MAX: variants seen among roughly 807,000 people sequenced by gnomAD.
The protein encoded by MAX is MYC associated transcriptional regulator X, also known as protein max.
MAX carries 3 observed loss-of-function variants against 22.3 expected under a neutral mutation model. The ratio of observed to expected loss-of-function variants is 0.13; its 90% CI spans 0.06 to 0.35. MAX has a LOEUF of 0.35. MAX is among the 10% of genes least tolerant of loss of function. The pLI is 1.00. For missense variants in MAX, 119 were observed against 209.4 expected (o/e 0.57, Z 2.66); for synonymous variants, 72 against 77.7 (o/e 0.93, Z 0.39).
At chr14:65,097,118 T>C (rs1002677566) in intron 2 of MAX, among the ~76,000 whole-genome samples, 15 of 152,250 alleles carry the variant, frequency 9.9e-5, no homozygotes, top group Non-Finnish European at 2.2e-4. Flanking sequence ...CTCTCAGTTA[T>C]ATTTCTACCC....
In MAX at chr14:65,027,280, A is replaced by G. The variant is rs2139573136; in HGVS notation, c.172-20996T>C. 1.0e-6 allele frequency: 1 copy of G among 972,946 alleles called. No homozygotes were observed. Among genetic ancestry groups the G allele is most frequent in the Non-Finnish European group, 1.5e-6 (1 of 665,228 alleles). 60.3% of individuals were successfully genotyped at this position (972,946 alleles called of 1,614,324 possible). On this transcript the variant is annotated intron_variant, in intron 3 of 3. Transcript: ENST00000341653. This position sits in a 1 kb window ranked among gnomAD's most constrained non-coding sequence, Gnocchi z 5.7. ...GGCAGACAGAAATGATGATAGCTGG[A>G]GAGAGAATTAAGCCCTTTGGGGAGA...
Position 65,102,491 on chromosome 14 carries a change from A to C in MAX, c.-152T>G. ...CGCTCTCTCACTCACACACACACAC[A>C]ACACGGGCAAGAACCACCTCCTCAC... On this transcript the variant is annotated 5_prime_UTR_variant, in exon 1 of 5. Coordinates refer to ENST00000358664, the MANE Select transcript of MAX (RefSeq NM_002382.5). 6.7e-7 allele frequency: 1 copy of C among 1,491,390 alleles called. No homozygotes were observed. The highest frequency in any genetic ancestry group is 8.9e-7 in the Non-Finnish European group (1 of 1,121,102). 92.4% of individuals were successfully genotyped at this position (1,491,390 alleles called of 1,614,324 possible).
rs904090539 is a variant in MAX at position 65,027,922 on chromosome 14, G to A, written c.172-21638C>T. On this transcript the variant is annotated intron_variant, in intron 3 of 3. Coordinates refer to the MAX transcript ENST00000341653. This position sits in a 1 kb window ranked among gnomAD's most constrained non-coding sequence, Gnocchi z 5.7. ...ACATGGGATGACATGTCAGTGACAC[G>A]TCAGAATCATTCAGATGTGATGCAG... 3.8e-6 allele frequency: 4 copies of A among 1,060,680 alleles called. No individual in the cohort carries two copies. The highest frequency in any genetic ancestry group is 2.6e-5 in the East Asian group (1 of 38,816). The allele number at this position is 1,060,680 out of a possible 1,614,324, so 65.7% of individuals were successfully genotyped here. A position where few individuals can be genotyped will look rare whatever the true frequency, so the allele number is the denominator to read the frequency against.
At position 65,084,126 on chromosome 14, in the gene MAX, CTTAA is replaced by C. The variant is rs2063263648; in HGVS notation, c.172-6094_172-6091del. On this transcript the variant is annotated intron_variant, in intron 3 of 4. Transcript: ENST00000358664. This position sits in a 1 kb window ranked among gnomAD's most constrained non-coding sequence, Gnocchi z 4.3. Reference sequence around the variant, plus strand: ...GGCAGAGCTATCAGCCCTCAAGCAGCTTAATTAAAGCCAGGAGTAAGACATTTGT... The same window carrying C: ...GGCAGAGCTATCAGCCCTCAAGCAGCTTAAAGCCAGGAGTAAGACATTTGT... 1 of 1,608,180 alleles carries C rather than the reference CTTAA, an allele frequency of 6.2e-7. No homozygotes were observed. Among genetic ancestry groups the C allele is most frequent in the Non-Finnish European group, 8.5e-7 (1 of 1,176,396 alleles).
intron 2 of MAX, 101 bp downstream of exon 2, chr14:65,101,445 T>C: frequency 9.1e-7 from 1 of 1,098,830 alleles, no homozygotes; most frequent in Non-Finnish European, 1.4e-6. Flanking sequence ...TAGAGTTTAC[T>C]ACAATATTAA....
chr14:65,067,757 G>A (rs1308933775), intron 3 of MAX, among the ~76,000 whole-genome samples: 1 of 151,606 alleles, frequency 6.6e-6, no homozygotes, highest in Non-Finnish European at 1.5e-5. Flanking sequence ...GAGTAGGTGG[G>A]ACCACAGGCA....
intron 3 of MAX, among the ~76,000 whole-genome samples, chr14:65,037,755 T>A (rs1167448264): frequency 7.8e-6 from 1 of 128,490 alleles, no homozygotes; most frequent in Non-Finnish European, 1.6e-5. Context: ...TTTATTTATT[T>A]ATTTATTTAT....
At chr14:65,068,396 C>T (rs1266960625) in intron 3 of MAX, among the ~76,000 whole-genome samples, 1 of 152,184 alleles carries the variant, frequency 6.6e-6, no homozygotes, top group Admixed American at 6.5e-5. Flanking sequence ...GATTGTGCCA[C>T]TGCACTCCAA....
chr14:65,071,416 T>C (rs982857678), downstream of MAX, among the ~76,000 whole-genome samples: 2 of 152,222 alleles, frequency 1.3e-5, no homozygotes, highest in African/African-American at 4.8e-5. This position sits in a 1 kb window ranked among gnomAD's most constrained non-coding sequence, Gnocchi z 4.2. Flanking sequence ...AGTGCTGATA[T>C]TACAGGTGTG....
At position 65,078,200 on chromosome 14, in the gene MAX, TTTA is replaced by T. The variant is rs1201809950; in HGVS notation, c.172-167_172-165del. On this transcript the variant is annotated intron_variant, in intron 3 of 4. Coordinates refer to ENST00000358664, the MANE Select transcript of MAX (RefSeq NM_002382.5). The surrounding 1 kb of genome is among the most constrained non-coding windows in gnomAD (Gnocchi z 6.4). ...GGCTACTGTAGGCTTTATTTATTTA[TTTA>T]TTTTTTTATTTTTTTGAGACAGAGT... 8.1e-5 allele frequency among the ~76,000 whole-genome samples: 12 copies of T among 147,834 alleles called. No individual in the cohort carries two copies.
chr14:65,079,469 A>C lies in MAX; in HGVS notation c.172-1433T>G, dbSNP rs2063148650. Among the ~76,000 whole-genome samples the C allele has an allele frequency of 6.6e-6, 1 of 152,256 alleles. No individual in the cohort carries two copies. The highest frequency in any genetic ancestry group is 2.1e-4 in the South Asian group (1 of 4,838). ...TCTGGGAGATTCTCTCCAGGCTACAAACATAGTCAGAGTTACTTATGGCCA... is the reference window on the plus strand; with the variant it reads ...TCTGGGAGATTCTCTCCAGGCTACACACATAGTCAGAGTTACTTATGGCCA... On this transcript the variant is annotated intron_variant, in intron 3 of 4. Coordinates refer to ENST00000358664, the MANE Select transcript of MAX (RefSeq NM_002382.5). This position sits in a 1 kb window ranked among gnomAD's most constrained non-coding sequence, Gnocchi z 4.5.
Position 65,065,398 on chromosome 14 carries a change from A to G in MAX, c.171+28310T>C, listed in dbSNP as rs953516807. Among the ~76,000 whole-genome samples the G allele has an allele frequency of 2.6e-5, 4 of 152,196 alleles. No homozygotes were observed. In the East Asian group the frequency reaches 7.7e-4, roughly 29 times the overall value. On this transcript the variant is annotated intron_variant, in intron 3 of 3. Transcript: ENST00000341653. ...AATACAGTCATGTCACTTAATGACG[A>G]GGATACACCCTGAGAAAAGCAGTCA...
chr14:65,033,080 A>T (rs2062116825), intron 3 of MAX, among the ~76,000 whole-genome samples: 1 of 152,226 alleles, frequency 6.6e-6, no homozygotes, highest in Admixed American at 6.5e-5. Flanking sequence ...TGTTTATAAG[A>T]GCCAAAAGCT....
chr14:65,048,061 C>T (rs1324413650), intron 3 of MAX, among the ~76,000 whole-genome samples: 2 of 138,964 alleles, frequency 1.4e-5, no homozygotes, highest in African/African-American at 5.4e-5. Flanking sequence ...AATCTCGGCT[C>T]ACTGTAGCCT....
chr14:65,060,066 C>T (rs903101498), intron 3 of MAX, among the ~76,000 whole-genome samples: 3 of 151,584 alleles, frequency 2.0e-5, no homozygotes, highest in Non-Finnish European at 4.4e-5. Flanking sequence ...CTCCTGACCT[C>T]GGGTGATCCA....
chr14:65,036,655 T>C (rs1023545714), intron 3 of MAX, among the ~76,000 whole-genome samples: 10 of 152,256 alleles, frequency 6.6e-5, no homozygotes, highest in Non-Finnish European at 1.5e-4. Context: ...CTGTCTCTCT[T>C]TTTCTATCCC....
chr14:65,086,366 CAGA>C (rs1164235359), intron 3 of MAX, among the ~76,000 whole-genome samples: 2 of 152,094 alleles, frequency 1.3e-5, no homozygotes, highest in African/African-American at 2.4e-5. Context: ...TTGAAGGGCT[CAGA>C]AGAAGACAGA....
At position 65,030,632 on chromosome 14, in the gene MAX, C is replaced by G. The variant is rs1271368305; in HGVS notation, c.172-24348G>C. Among the ~76,000 whole-genome samples, 2 of 151,852 alleles carry G rather than the reference C, an allele frequency of 1.3e-5. No homozygotes were observed. The highest frequency in any genetic ancestry group is 4.8e-5 in the African/African-American group (2 of 41,342). Reference sequence around the variant, plus strand: ...TGGCATGCATCTGTAGCCTCAGCTGCTTAGGAGGCTGAGGCAAGATCAGTT... The same window carrying G: ...TGGCATGCATCTGTAGCCTCAGCTGGTTAGGAGGCTGAGGCAAGATCAGTT... On this transcript the variant is annotated intron_variant, in intron 3 of 3. Coordinates refer to the MAX transcript ENST00000341653. This position sits in a 1 kb window ranked among gnomAD's most constrained non-coding sequence, Gnocchi z 4.5.
At position 65,014,299 on chromosome 14, in the gene MAX, C is replaced by G. The variant is rs1056418641; in HGVS notation, c.172-8015G>C. Among the ~76,000 whole-genome samples, 1 of 152,194 alleles carries G rather than the reference C, an allele frequency of 6.6e-6. No individual in the cohort carries two copies. The highest frequency in any genetic ancestry group is 1.9e-4 in the East Asian group (1 of 5,202). ...TTATGGTTTAATTAGGATCAAGAGC[C>G]GTCTGCATTTTGCCTTTGGAAGCCT... On this transcript the variant is annotated intron_variant, in intron 3 of 3. Transcript: ENST00000341653. The surrounding 1 kb of genome is among the most constrained non-coding windows in gnomAD (Gnocchi z 5.1).
Sources: allele counts gnomAD v4.1 joint callset (sites outside exome capture counted in the v4.1 genomes callset), GRCh38; gene constraint gnomAD v4.1.1; non-coding constraint Gnocchi (gnomAD v3.1); transcripts MANE v1.5; gene names NCBI Gene and HGNC (gene_info 2026-07-23, HGNC 2026-07-21).